MAGI2: variants seen among roughly 807,000 people sequenced by gnomAD.
MAGI2 encodes the protein membrane-associated guanylate kinase, WW and PDZ domain-containing protein 2.
A neutral mutation model predicts 133.3 loss-of-function variants in MAGI2; 35 were observed. The observed-to-expected ratio is 0.26, with a 90% confidence interval of 0.20 to 0.35. The LOEUF (loss-of-function observed/expected upper bound fraction) is 0.35. MAGI2 is among the 10% of genes least tolerant of loss of function. The probability of loss-of-function intolerance (pLI) is 1.00; values close to 1 mark genes in which losing one functional copy is unlikely to be tolerated. For synonymous variants in MAGI2, 729 were observed against 710.6 expected, an observed-to-expected ratio of 1.03 and a Z score of -0.41; for missense variants, 1,636 against 1,863.4, an observed-to-expected ratio of 0.88 and a Z score of 2.25.
At chr7:79,189,548 C>T (rs1219164497) in intron 1 of MAGI2, among the ~76,000 whole-genome samples, 28 of 151,542 alleles carry the variant, frequency 1.8e-4, no homozygotes, top group Admixed American at 1.8e-3. Flanking sequence ...CTTCTATTCC[C>T]CTCCTTCCCC....
At position 78,404,735 on chromosome 7, in the gene MAGI2, A is replaced by G. The variant is rs1018604400; in HGVS notation, c.1046-35522T>C. Among the ~76,000 whole-genome samples the G allele has an allele frequency of 9.9e-5, 15 of 152,274 alleles. 1 individual carries two copies. In the East Asian group the frequency reaches 2.9e-3, roughly 29 times the overall value. On this transcript the variant is annotated intron_variant, in intron 6 of 21. Transcript: ENST00000354212. ...AAAATCCTAGAAGAATACCTAGGCA[A>G]TACCATTCAGGACACAGGCACGGGC...
chr7:78,529,545 T>A (rs1255673260), intron 3 of MAGI2, among the ~76,000 whole-genome samples: 1 of 152,142 alleles, frequency 6.6e-6, no homozygotes, highest in Non-Finnish European at 1.5e-5. Flanking sequence ...ATTTAAAGAA[T>A]GTATTAAATC....
At chr7:78,187,811 G>A (rs1827835785) in intron 12 of MAGI2, among the ~76,000 whole-genome samples, 1 of 152,130 alleles carries the variant, frequency 6.6e-6, no homozygotes, top group Non-Finnish European at 1.5e-5. Context: ...GACATTTTAT[G>A]TTATACTCTC....
At chr7:78,886,543 C>G (rs577907047) in intron 2 of MAGI2, among the ~76,000 whole-genome samples, 55 of 152,288 alleles carry the variant, frequency 3.6e-4, no homozygotes, top group African/African-American at 1.3e-3. Flanking sequence ...GGAAACTTCT[C>G]TGGTCTATGT....
chr7:79,014,745 G>A (rs1253221497), intron 1 of MAGI2, among the ~76,000 whole-genome samples: 1 of 151,992 alleles, frequency 6.6e-6, no homozygotes, highest in Non-Finnish European at 1.5e-5. Context: ...TAGGTATAAG[G>A]CTTCTACATA....
intron 6 of MAGI2, among the ~76,000 whole-genome samples, chr7:78,437,704 A>T (rs1006179546): frequency 6.6e-6 from 1 of 152,176 alleles, no homozygotes; most frequent in Non-Finnish European, 1.5e-5. Flanking sequence ...CAAGAAGATA[A>T]CATGACATGA....
At chr7:78,841,016 T>C (rs371190516) in intron 2 of MAGI2, among the ~76,000 whole-genome samples, 90 of 152,154 alleles carry the variant, frequency 5.9e-4, no homozygotes, top group African/African-American at 2.0e-3. Flanking sequence ...AACTTCTCCA[T>C]CTTCACTGGC....
intron 1 of MAGI2, among the ~76,000 whole-genome samples, chr7:79,260,051 A>T (rs756148135): frequency 2.7e-4 from 41 of 152,220 alleles, no homozygotes; most frequent in Non-Finnish European, 4.0e-4. Flanking sequence ...TACATTTTCA[A>T]TTATTTGCAA....
chr7:78,493,853 A>T lies in MAGI2; in HGVS notation c.966-4013T>A, dbSNP rs542073683. Among the ~76,000 whole-genome samples the T allele has an allele frequency of 4.7e-3, 706 of 151,726 alleles. 2 individuals carry two copies. Among genetic ancestry groups the T allele is most frequent in the African/African-American group, 0.013 (552 of 41,126 alleles). Reference sequence around the variant, plus strand: ...TTGCACTTAATAAGTATGATATTAAAGTTCCATGTGCATAGAGACAAAAGA... The same window carrying T: ...TTGCACTTAATAAGTATGATATTAATGTTCCATGTGCATAGAGACAAAAGA... On this transcript the variant is annotated intron_variant, in intron 5 of 21. Transcript: ENST00000354212.
chr7:78,331,962 A>G (rs913932266), intron 9 of MAGI2, among the ~76,000 whole-genome samples: 2 of 152,240 alleles, frequency 1.3e-5, no homozygotes, highest in Non-Finnish European at 2.9e-5. Context: ...ATCATCATGC[A>G]TATCATATCT....
At chr7:78,237,591 C>A (rs1030347748) in intron 10 of MAGI2, among the ~76,000 whole-genome samples, 6 of 152,072 alleles carry the variant, frequency 3.9e-5, no homozygotes, top group African/African-American at 7.2e-5. Context: ...TTGAAACTTA[C>A]CACAAACAAC....
intron 3 of MAGI2, among the ~76,000 whole-genome samples, chr7:78,583,096 A>G (rs1803011850): frequency 6.6e-6 from 1 of 152,194 alleles, no homozygotes; most frequent in East Asian, 1.9e-4. Context: ...ATAGAAAAAG[A>G]CTAGGGATTA....
intron 9 of MAGI2, among the ~76,000 whole-genome samples, chr7:78,277,689 G>A (rs1055149001): frequency 2.0e-5 from 3 of 152,136 alleles, no homozygotes; most frequent in African/African-American, 4.8e-5. Flanking sequence ...TTTACAACGT[G>A]GCAACAGTAG....
chr7:78,705,178 C>T (rs940384857), intron 2 of MAGI2, among the ~76,000 whole-genome samples: 1 of 151,984 alleles, frequency 6.6e-6, no homozygotes, highest in Non-Finnish European at 1.5e-5. Context: ...ATGGAGGGAC[C>T]TGATGGGAGA....
intron 2 of MAGI2, among the ~76,000 whole-genome samples, chr7:78,984,814 T>C (rs904108763): frequency 3.9e-5 from 6 of 152,050 alleles, no homozygotes; most frequent in Admixed American, 6.6e-5. Context: ...TTGTCTATCT[T>C]GTCCCACCAA....
At chr7:79,142,579 T>C (rs985658830) in intron 1 of MAGI2, among the ~76,000 whole-genome samples, 1 of 152,196 alleles carries the variant, frequency 6.6e-6, no homozygotes, top group African/African-American at 2.4e-5. Flanking sequence ...TGTGTGCATG[T>C]GGATGTGTGA....
rs191339994 is a variant in MAGI2, at chr7:78,208,342, T to C, written c.2048-7149A>G. Reference sequence around the variant, plus strand: ...GTAATCCCAATGACTATCAAAAGGATAAATCTGCACATATTGTCTTCTGAT... The same window carrying C: ...GTAATCCCAATGACTATCAAAAGGACAAATCTGCACATATTGTCTTCTGAT... On this transcript the variant is annotated intron_variant, in intron 10 of 21. Coordinates refer to ENST00000354212, the MANE Select transcript of MAGI2 (RefSeq NM_012301.4). 1.4e-3 allele frequency among the ~76,000 whole-genome samples: 206 copies of C among 152,212 alleles called. 1 individual carries two copies. Among genetic ancestry groups the C allele is most frequent in the African/African-American group, 4.9e-3 (204 of 41,538 alleles).
At chr7:78,434,014 ATTG>A (rs1800043798) in intron 6 of MAGI2, among the ~76,000 whole-genome samples, 1 of 152,204 alleles carries the variant, frequency 6.6e-6, no homozygotes, top group Non-Finnish European at 1.5e-5. Flanking sequence ...GAAAATATGT[ATTG>A]ATAAAAATAT....
intron 2 of MAGI2, among the ~76,000 whole-genome samples, chr7:78,894,287 A>C (rs1296147340): frequency 6.6e-6 from 1 of 152,164 alleles, no homozygotes; most frequent in Non-Finnish European, 1.5e-5. Flanking sequence ...CTGTAGTCCC[A>C]GCTACTCCGG....
Sources: gnomAD v4.1 joint callset for allele counts (sites outside exome capture counted in the v4.1 genomes callset) on GRCh38, gnomAD v4.1.1 for gene constraint, MANE v1.5 for transcripts, NCBI Gene and HGNC (gene_info 2026-07-23, HGNC 2026-07-21) for gene names.